Variants in NKAIN3 observed in about 807,000 individuals in gnomAD.
NKAIN3 encodes the protein sodium/potassium transporting ATPase interacting 3.
A neutral mutation model predicts 30.2 loss-of-function variants in NKAIN3; 25 were observed. The ratio of observed to expected loss-of-function variants is 0.83; its 90% CI spans 0.60 to 1.16. NKAIN3 has a LOEUF of 1.16. Among genes scored for constraint, NKAIN3 ranks in the 50% most tolerant of loss-of-function variants. NKAIN3 has a pLI of 0.00. For synonymous variants in NKAIN3, 91 were observed against 89.6 expected (o/e 1.02, Z -0.09); for missense variants, 225 against 254.1 (o/e 0.89, Z 0.78).
In NKAIN3 at chr8:62,361,380, A is replaced by G. The variant is rs113920214; in HGVS notation, c.54+112253A>G. 2.0e-3 allele frequency among the ~76,000 whole-genome samples: 307 copies of G among 152,278 alleles called. 2 individuals carry two copies. The highest frequency in any genetic ancestry group is 7.1e-3 in the African/African-American group (293 of 41,552). The stretch of plus-strand genomic sequence containing the variant: ...GTTGTTTACTTCTTTGTGTGTTGGT[A>G]TTTCCTTCCTTCCACTAATAGCGTA... On this transcript the variant is annotated intron_variant, in intron 1 of 6. Coordinates refer to ENST00000623646, the MANE Select transcript of NKAIN3 (RefSeq NM_001304533.3).
chr8:62,643,940 C>CTG (rs1812384924), intron 3 of NKAIN3, among the ~76,000 whole-genome samples: 1 of 152,032 alleles, frequency 6.6e-6, no homozygotes, highest in African/African-American at 2.4e-5. Context: ...TTCTCTTTCC[C>CTG]CTAAATGCTC....
chr8:62,275,388 T>C (rs575651972), intron 1 of NKAIN3, among the ~76,000 whole-genome samples: 12 of 152,340 alleles, frequency 7.9e-5, no homozygotes, highest in African/African-American at 2.9e-4. Flanking sequence ...AATTTCCTTT[T>C]AAGGTATTTG....
intron 3 of NKAIN3, among the ~76,000 whole-genome samples, chr8:62,596,378 C>CCCTTT (rs1160205298): frequency 6.6e-6 from 1 of 151,974 alleles, no homozygotes; most frequent in Admixed American, 6.6e-5. Flanking sequence ...CTTTCTATTT[C>CCCTTT]CCTTTCCTTT....
chr8:62,370,501 GCA>G (rs1215586571), intron 1 of NKAIN3, among the ~76,000 whole-genome samples: 1 of 151,850 alleles, frequency 6.6e-6, no homozygotes, highest in African/African-American at 2.4e-5. Context: ...ACACATCTAT[GCA>G]CACACACATA....
intron 1 of NKAIN3, among the ~76,000 whole-genome samples, chr8:62,533,725 C>A (rs1026286926): frequency 6.6e-6 from 1 of 152,146 alleles, no homozygotes; most frequent in Non-Finnish European, 1.5e-5. Flanking sequence ...GAAAAAGTCC[C>A]ATGTATAAAT....
rs199835118 is a variant in NKAIN3, at chr8:62,391,549, AAAG to A, written c.54+142430_54+142432del. ...AGGGACAAGTAATATGGGCACAATG[AAAG>A]AAGAAGAGAAAAGATACATAGAAAT... On this transcript the variant is annotated intron_variant, in intron 1 of 6. Coordinates refer to ENST00000623646, the MANE Select transcript of NKAIN3 (RefSeq NM_001304533.3). 7.9e-3 allele frequency among the ~76,000 whole-genome samples: 1,204 copies of A among 152,176 alleles called. 17 individuals carry two copies. The highest frequency in any genetic ancestry group is 0.025 in the African/African-American group (1,051 of 41,558).
At chr8:62,919,594 A>G (rs1194328923) in intron 5 of NKAIN3, among the ~76,000 whole-genome samples, 1 of 152,204 alleles carries the variant, frequency 6.6e-6, no homozygotes, top group Non-Finnish European at 1.5e-5. Context: ...ACTTTCAAAA[A>G]ATAAATTATT....
At position 62,634,918 on chromosome 8, in the gene NKAIN3, C is replaced by T. The variant is rs765207566; in HGVS notation, c.273+45124C>T. Among the ~76,000 whole-genome samples the T allele has an allele frequency of 7.7e-4, 117 of 151,998 alleles. 1 individual carries two copies. The highest frequency in any genetic ancestry group is 1.4e-3 in the Non-Finnish European group (96 of 67,996). ...GTAGAAAGAAGGAGGAGAAAAAAGA[C>T]AGAAAGAAAACTTAGGATGCTGTTT... On this transcript the variant is annotated intron_variant, in intron 3 of 6. Coordinates refer to ENST00000623646, the MANE Select transcript of NKAIN3 (RefSeq NM_001304533.3).
At chr8:62,766,092 C>T (rs1460763662) in intron 4 of NKAIN3, among the ~76,000 whole-genome samples, 3 of 152,082 alleles carry the variant, frequency 2.0e-5, no homozygotes, top group African/African-American at 7.2e-5. Context: ...CGGGTAGATT[C>T]CGTATCTCAA....
downstream of NKAIN3, among the ~76,000 whole-genome samples, chr8:62,989,107 A>G (rs1339845914): frequency 1.3e-5 from 2 of 152,194 alleles, no homozygotes; most frequent in Non-Finnish European, 2.9e-5. Context: ...TAGCACTATG[A>G]GCATTTTGGT....
intron 4 of NKAIN3, chr8:62,856,004 G>T: frequency 1.5e-6 from 1 of 688,914 alleles, no homozygotes; most frequent in Non-Finnish European, 2.7e-6. Context: ...ACTCCTCAGG[G>T]CACATGAACA....
Position 62,967,124 on chromosome 8 carries a change from A to C in NKAIN3, c.*1717A>C, listed in dbSNP as rs1823732451. On this transcript the variant is annotated 3_prime_UTR_variant, in exon 7 of 7. Coordinates refer to ENST00000623646, the MANE Select transcript of NKAIN3 (RefSeq NM_001304533.3). ...CAAATTCAAATAAAGAAAAGCTGGC[A>C]GGGACCTTGAAGATGGTGGAATCCA... Among the ~76,000 whole-genome samples, 1 of 152,200 alleles carries C rather than the reference A, an allele frequency of 6.6e-6. No homozygotes were observed. Among genetic ancestry groups the C allele is most frequent in the African/African-American group, 2.4e-5 (1 of 41,460 alleles).
At chr8:62,516,615 T>A (rs1807998512) in intron 1 of NKAIN3, among the ~76,000 whole-genome samples, 1 of 152,158 alleles carries the variant, frequency 6.6e-6, no homozygotes, top group Admixed American at 6.6e-5. Flanking sequence ...TGTGAAATAA[T>A]CCCACCCATG....
In NKAIN3 at chr8:62,968,810, C is replaced by G. The variant is rs760772762; in HGVS notation, c.*3403C>G. Among the ~76,000 whole-genome samples the G allele has an allele frequency of 5.9e-5, 9 of 152,070 alleles. No individual in the cohort carries two copies. The highest frequency in any genetic ancestry group is 1.0e-4 in the Non-Finnish European group (7 of 68,028). ...TGACCTCGTGCAGCACCGCAGGAAG[C>G]TGGGATGCTTTCGAGCTTACTTTTT... On this transcript the variant is annotated 3_prime_UTR_variant, in exon 7 of 7. Transcript: ENST00000623646.
At chr8:62,877,424 C>CA (rs1820833825) in intron 4 of NKAIN3, among the ~76,000 whole-genome samples, 1 of 152,110 alleles carries the variant, frequency 6.6e-6, no homozygotes, top group Non-Finnish European at 1.5e-5. Flanking sequence ...GAGTGGGGGT[C>CA]AGGATCTGAG....
intron 4 of NKAIN3, among the ~76,000 whole-genome samples, chr8:62,898,857 T>C (rs747217774): frequency 9.9e-5 from 15 of 151,950 alleles, no homozygotes; most frequent in Non-Finnish European, 2.1e-4. Context: ...AACTAGAATA[T>C]ATAAGGAGCT....
intron 5 of NKAIN3, among the ~76,000 whole-genome samples, chr8:62,995,465 G>GT (rs1352747686): frequency 6.6e-6 from 1 of 152,230 alleles, no homozygotes; most frequent in Admixed American, 6.5e-5. Flanking sequence ...GCCTGAGAGG[G>GT]AAGGGAGGAC....
At chr8:62,810,165 G>A (rs1269151623) in intron 4 of NKAIN3, among the ~76,000 whole-genome samples, 2 of 152,084 alleles carry the variant, frequency 1.3e-5, no homozygotes, top group Admixed American at 6.6e-5. Context: ...ATTCTGGGTA[G>A]TTTCCTTAGC....
At chr8:62,937,610 A>G (rs933152596) in intron 5 of NKAIN3, among the ~76,000 whole-genome samples, 2 of 152,054 alleles carry the variant, frequency 1.3e-5, no homozygotes, top group Admixed American at 6.6e-5. Context: ...GGAATTGGGG[A>G]AAAACTACGA....
Sources: gnomAD v4.1 joint callset for allele counts (sites outside exome capture counted in the v4.1 genomes callset) on GRCh38, gnomAD v4.1.1 for gene constraint, MANE v1.5 for transcripts, NCBI Gene and HGNC (gene_info 2026-07-23, HGNC 2026-07-21) for gene names.